PKD2: variants seen among roughly 807,000 people sequenced by gnomAD.
PKD2 encodes polycystin-2.
In PKD2, 48 loss-of-function variants were observed where a neutral mutation model predicts 105.9. The observed-to-expected ratio is 0.45, with a 90% CI of 0.36 to 0.58. PKD2 has a LOEUF of 0.58. Ranked by LOEUF, PKD2 falls within the 20% of genes least tolerant of loss-of-function variation. The pLI, the probability that PKD2 is intolerant of heterozygous loss-of-function variation, is 0.00. For synonymous variants in PKD2, 464 were observed against 481.1 expected, an observed-to-expected ratio of 0.96 and a Z score of 0.46; for missense variants, 1,078 against 1,255.3, an observed-to-expected ratio of 0.86 and a Z score of 2.13.
intron 2 of PKD2, among the ~76,000 whole-genome samples, chr4:88,027,326 G>A (rs1401147107): frequency 6.6e-6 from 1 of 152,240 alleles, no homozygotes; most frequent in Non-Finnish European, 1.5e-5. Context: ...GGGGATCAAA[G>A]GAGATTTTGG....
chr4:88,017,559 G>A (rs796779806), intron 1 of PKD2, among the ~76,000 whole-genome samples: 37 of 152,032 alleles, frequency 2.4e-4, no homozygotes, highest in African/African-American at 8.4e-4. Context: ...ACAGGCGCCC[G>A]CCACCACACC....
At chr4:88,010,015 A>C (rs983842291) in intron 1 of PKD2, among the ~76,000 whole-genome samples, 1 of 152,198 alleles carries the variant, frequency 6.6e-6, no homozygotes, top group East Asian at 1.9e-4. Context: ...AACAAAATGA[A>C]TAAGCTCATA....
intron 2 of PKD2, among the ~76,000 whole-genome samples, chr4:88,033,405 C>A (rs1727228544): frequency 6.6e-6 from 1 of 150,996 alleles, no homozygotes; most frequent in Non-Finnish European, 1.5e-5. Context: ...CCAGCCTTGG[C>A]CATAGAGCCA....
Position 88,057,968 on chromosome 4 carries a change from G to A in PKD2, c.1899-15G>A. Reference sequence around the variant, plus strand: ...CTTTGTTTTTGTATTGTGGTGTTTTGTTTTATTTTTATAGCTTCACTCAAT... The same window carrying A: ...CTTTGTTTTTGTATTGTGGTGTTTTATTTTATTTTTATAGCTTCACTCAAT... On this transcript the variant is annotated splice_polypyrimidine_tract_variant and intron_variant, in intron 8 of 14. Transcript: ENST00000237596. 2 of 1,579,784 alleles carry A rather than the reference G, an allele frequency of 1.3e-6. No homozygotes were observed.
intron 14 of PKD2, among the ~76,000 whole-genome samples, chr4:88,075,185 T>C (rs561907977): frequency 2.6e-5 from 4 of 152,362 alleles, no homozygotes; most frequent in Admixed American, 6.5e-5. Context: ...TGTAGTCATA[T>C]TGTCTAACCC....
intron 8 of PKD2, among the ~76,000 whole-genome samples, chr4:88,056,806 G>A (rs1387189970): frequency 6.6e-6 from 1 of 152,146 alleles, no homozygotes; most frequent in Admixed American, 6.5e-5. Context: ...AAAAGGAATG[G>A]AAGTAATAGG....
intron 2 of PKD2, among the ~76,000 whole-genome samples, chr4:88,032,841 T>G (rs775006206): frequency 6.6e-6 from 1 of 152,216 alleles, no homozygotes; most frequent in East Asian, 1.9e-4. Flanking sequence ...GCCCTTAGTA[T>G]TATTCTCATT....
chr4:88,058,539 T>G (rs1364341426), intron 9 of PKD2, among the ~76,000 whole-genome samples: 1 of 150,576 alleles, frequency 6.6e-6, no homozygotes, highest in African/African-American at 2.5e-5. Flanking sequence ...CTTTTCTCTC[T>G]TTCTTCTTTT....
At chr4:88,051,928 A>T in intron 6 of PKD2, 63 bp from the exon 7 acceptor site, 3 of 878,538 alleles carry the variant, frequency 3.4e-6, no homozygotes, top group Non-Finnish European at 5.6e-6. Flanking sequence ...TATACTAGTC[A>T]TATTAAGGTA....
In PKD2 at chr4:88,037,974, C is replaced by T. The variant is rs571800728; in HGVS notation, c.844-277C>T. On this transcript the variant is annotated intron_variant, in intron 3 of 14. Coordinates refer to ENST00000237596, the MANE Select transcript of PKD2 (RefSeq NM_000297.4). ...CCAAGAACAAAAATCAGAGCTGCCA[C>T]GTATTAAGTACCCACTCTGTGCCAG... is the stretch of plus-strand genomic sequence containing the variant. Among the ~76,000 whole-genome samples the T allele has an allele frequency of 4.6e-5, 7 of 152,268 alleles. 1 individual carries two copies. The highest frequency in any genetic ancestry group is 2.1e-4 in the South Asian group (1 of 4,826).
intron 5 of PKD2, among the ~76,000 whole-genome samples, chr4:88,044,215 A>G (rs948458813): frequency 3.9e-5 from 6 of 152,208 alleles, no homozygotes; most frequent in Non-Finnish European, 5.9e-5. Context: ...ATACAAATAA[A>G]TAGTATAGTA....
rs181332787 is a variant in PKD2 at position 88,032,488 on chromosome 4, T to C, written c.710-3732T>C. On this transcript the variant is annotated intron_variant, in intron 2 of 14. Coordinates refer to ENST00000237596, the MANE Select transcript of PKD2 (RefSeq NM_000297.4). ...GCCGATACTGTGGTTTACTGTATTT[T>C]GTTCTAGTTTATTTTATGGAAAATG... 5.2e-3 allele frequency among the ~76,000 whole-genome samples: 793 copies of C among 152,304 alleles called. 6 individuals carry two copies. Among genetic ancestry groups the C allele is most frequent in the South Asian group, 0.048 (232 of 4,822 alleles).
At chr4:88,058,884 A>G (rs1034615838) in intron 9 of PKD2, among the ~76,000 whole-genome samples, 25 of 152,134 alleles carry the variant, frequency 1.6e-4, no homozygotes, top group African/African-American at 6.0e-4. Context: ...TTGTCTACTG[A>G]GAAGGTGTTA....
At chr4:88,019,086 A>T (rs370603175) in intron 1 of PKD2, among the ~76,000 whole-genome samples, 20 of 152,346 alleles carry the variant, frequency 1.3e-4, no homozygotes, top group Admixed American at 3.9e-4. Flanking sequence ...GGTTGTATCC[A>T]CCTCAAATAG....
chr4:88,061,908 T>C lies in PKD2; in HGVS notation c.2022T>C (p.Asn674=), dbSNP rs1391773776. 6.8e-7 allele frequency: 1 copy of C among 1,470,880 alleles called. No homozygotes were observed. Among genetic ancestry groups the C allele is most frequent in the Non-Finnish European group, 9.5e-7 (1 of 1,049,606 alleles). 91.1% of individuals were successfully genotyped at this position (1,470,880 alleles called of 1,614,324 possible). A position where few individuals can be genotyped will look rare whatever the true frequency, so the allele number is the denominator to read the frequency against. Residue 674 remains asparagine (N), a splice_region_variant and synonymous_variant, in exon 10 of 15, where the codon AAT becomes AAC. Transcript: ENST00000237596. ...FVFFMFFILL[N]MFLAIINDTY... ...GCCCTCCTTTCATTTACAAACAGAA[T>C]ATGTTTTTGGCTATCATCAATGATA...
In PKD2 at chr4:88,075,579, C is replaced by T. The variant is rs368926162; in HGVS notation, c.2792C>T (p.Thr931Met). ...AASQISHGLG[T>M]PVGLNGQPRP... ...TCCCAGATCAGTCATGGTTTAGGCA[C>T]GCCAGTGGGACTAAATGGTCAACCT... Residue 931 changes from threonine (T) to methionine (M), a missense_variant, in exon 15 of 15, where the codon ACG (threonine) becomes ATG (methionine). Coordinates refer to ENST00000237596, the MANE Select transcript of PKD2 (RefSeq NM_000297.4). 38 of 1,614,126 alleles carry T rather than the reference C, an allele frequency of 2.4e-5. No individual in the cohort carries two copies. The East Asian group carries it at 4.5e-4, about 19-fold the overall frequency.
intron 1 of PKD2, 140 bp downstream of exon 1, chr4:88,008,468 C>T: frequency 9.0e-7 from 1 of 1,115,056 alleles, no homozygotes; most frequent in South Asian, 2.0e-5. Context: ...GCGCATTCCC[C>T]ACCTCCGCTA....
chr4:88,071,545 T>C (rs1430328253), intron 13 of PKD2, among the ~76,000 whole-genome samples: 2 of 152,096 alleles, frequency 1.3e-5, no homozygotes, highest in Non-Finnish European at 2.9e-5. Flanking sequence ...TTTTGTTTTG[T>C]TTTTTGTTGT....
At position 88,007,773 on chromosome 4, in the gene PKD2, GA is replaced by G. The variant is rs1474473957; in HGVS notation, c.41del (p.Asp14AlafsTer16). 8.5e-7 allele frequency: 1 copy of G among 1,177,936 alleles called. No individual in the cohort carries two copies. The highest frequency in any genetic ancestry group is 1.6e-5 in the African/African-American group (1 of 61,130). 73.0% of individuals were successfully genotyped at this position (1,177,936 alleles called of 1,614,324 possible). A position where few individuals can be genotyped will look rare whatever the true frequency, so the allele number is the denominator to read the frequency against. The stretch of plus-strand genomic sequence containing the variant: ...TCGCGTGCAGCCTCAGCAGCCCGGG[GA>G]CGCCAAGCGGCCGCCCGCGCCCCGC... ...SSRVQPQQPG[D>X]AKRPPAPRAP... On this transcript the variant is annotated frameshift_variant, in exon 1 of 15. Transcript: ENST00000237596. LOFTEE classifies it high-confidence loss of function.
Sources: allele counts gnomAD v4.1 joint callset (sites outside exome capture counted in the v4.1 genomes callset), GRCh38; gene constraint gnomAD v4.1.1; transcripts MANE v1.5; gene names NCBI Gene and HGNC (gene_info 2026-07-23, HGNC 2026-07-21).